Variants in TAS2R1 observed in about 807,000 individuals in gnomAD.
TAS2R1 encodes taste 2 receptor member 1.
For synonymous variants in TAS2R1, 141 were observed against 134.2 expected (o/e 1.05, Z -0.35); for missense variants, 370 against 353.4 (o/e 1.05, Z -0.38).
chr5:9,632,847 T>G (rs1739893715), upstream of TAS2R1, among the ~76,000 whole-genome samples: 1 of 152,098 alleles, frequency 6.6e-6, no homozygotes, highest in Non-Finnish European at 1.5e-5. Flanking sequence ...ATCAGGAGGT[T>G]TGGAGTCAAA....
intron 1 of TAS2R1, among the ~76,000 whole-genome samples, chr5:9,697,071 C>T (rs1185380623): frequency 2.0e-5 from 3 of 149,566 alleles, no homozygotes; most frequent in African/African-American, 4.9e-5. Context: ...GGAAGGAGGA[C>T]GAGGAGAAGG....
intron 2 of TAS2R1, among the ~76,000 whole-genome samples, chr5:9,657,010 T>A (rs1740428816): frequency 6.6e-6 from 1 of 152,100 alleles, no homozygotes; most frequent in Non-Finnish European, 1.5e-5. Flanking sequence ...ATTATTGATA[T>A]AAAAACATAT....
At chr5:9,707,627 G>A (rs1741644144) in intron 1 of TAS2R1, among the ~76,000 whole-genome samples, 1 of 152,100 alleles carries the variant, frequency 6.6e-6, no homozygotes. Context: ...AGGTTGCAGT[G>A]AGCTGACATC....
the TAS2R1 span, among the ~76,000 whole-genome samples, chr5:9,719,933 A>C: frequency 7.4e-3 from 995 of 133,650 alleles, 17 homozygotes; most frequent in African/African-American, 0.024. Flanking sequence ...AAAAAAAAAA[A>C]AAAAACAAAA....
At chr5:9,789,422 G>C in the TAS2R1 span, among the ~76,000 whole-genome samples, 3 of 152,290 alleles carry the variant, frequency 2.0e-5, no homozygotes, top group Admixed American at 1.3e-4. Context: ...CTTGAAAAAT[G>C]GGCACAAATA....
At chr5:9,657,741 G>C (rs2126493010) in intron 2 of TAS2R1, among the ~76,000 whole-genome samples, 1 of 152,158 alleles carries the variant, frequency 6.6e-6, no homozygotes, top group East Asian at 1.9e-4. Flanking sequence ...GGCTGGCGGG[G>C]AGTGGGGAAT....
At chr5:9,885,234 C>T in the TAS2R1 span, among the ~76,000 whole-genome samples, 8 of 152,254 alleles carry the variant, frequency 5.3e-5, no homozygotes, top group African/African-American at 1.4e-4. Context: ...TATAGCAATA[C>T]AATTTTTATT....
At chr5:9,655,326 C>A (rs1250203625) in intron 2 of TAS2R1, among the ~76,000 whole-genome samples, 2 of 152,030 alleles carry the variant, frequency 1.3e-5, no homozygotes, top group Non-Finnish European at 2.9e-5. Flanking sequence ...AAAGGTTTAA[C>A]ATTTAAAGGA....
the TAS2R1 span, among the ~76,000 whole-genome samples, chr5:9,780,950 T>C: frequency 1.3e-5 from 2 of 152,206 alleles, no homozygotes; most frequent in African/African-American, 4.8e-5. Flanking sequence ...CTCCTGAGTT[T>C]CTAGTCCACC....
chr5:9,823,265 C>T, the TAS2R1 span, among the ~76,000 whole-genome samples: 1 of 152,106 alleles, frequency 6.6e-6, no homozygotes, highest in African/African-American at 2.4e-5. Flanking sequence ...CGTTTCTCAA[C>T]CATTTTTCTT....
the TAS2R1 span, chr5:9,765,651 T>G: frequency 6.6e-6 from 1 of 152,184 alleles, no homozygotes; most frequent in Non-Finnish European, 1.5e-5. Context: ...CTCCCCTTGA[T>G]GGATACCAGA....
At chr5:9,634,981 T>C (rs750636067), upstream of TAS2R1, among the ~76,000 whole-genome samples, 2 of 152,150 alleles carry the variant, frequency 1.3e-5, no homozygotes, top group African/African-American at 2.4e-5. Context: ...TCCAGTACTA[T>C]GTTGAATGAA....
chr5:9,823,388 A>G, the TAS2R1 span, among the ~76,000 whole-genome samples: 1 of 152,042 alleles, frequency 6.6e-6, no homozygotes, highest in South Asian at 2.1e-4. Context: ...TTTATATATA[A>G]CTATGCTCTT....
the TAS2R1 span, among the ~76,000 whole-genome samples, chr5:9,880,911 G>T: frequency 6.6e-6 from 1 of 152,082 alleles, no homozygotes; most frequent in African/African-American, 2.4e-5. Flanking sequence ...CACTGGGTGG[G>T]GCCTCGCTGC....
At chr5:9,882,310 C>T in the TAS2R1 span, among the ~76,000 whole-genome samples, 1 of 152,056 alleles carries the variant, frequency 6.6e-6, no homozygotes, top group Non-Finnish European at 1.5e-5. Flanking sequence ...GATAGTATCT[C>T]GTGCCAGTCA....
At chr5:9,874,468 T>C in the TAS2R1 span, among the ~76,000 whole-genome samples, 1 of 152,190 alleles carries the variant, frequency 6.6e-6, no homozygotes. Context: ...TCTTCAGGGA[T>C]TCCTTAGCAT....
chr5:9,773,967 T>C, the TAS2R1 span, among the ~76,000 whole-genome samples: 436 of 152,338 alleles, frequency 2.9e-3, no homozygotes, highest in Non-Finnish European at 4.7e-3. Flanking sequence ...TCTGTACATT[T>C]GCAAAATTTT....
At chr5:9,827,307 G>A in the TAS2R1 span, among the ~76,000 whole-genome samples, 1 of 152,124 alleles carries the variant, frequency 6.6e-6, no homozygotes, top group Non-Finnish European at 1.5e-5. Flanking sequence ...CGACATCGCT[G>A]TACATCCATT....
the TAS2R1 span, among the ~76,000 whole-genome samples, chr5:9,803,332 G>A: frequency 9.8e-5 from 15 of 152,306 alleles, no homozygotes; most frequent in African/African-American, 3.4e-4. Context: ...GGGAATAAAT[G>A]AGGAAAACTT....
Sources: allele counts gnomAD v4.1 joint callset (sites outside exome capture counted in the v4.1 genomes callset), GRCh38; gene constraint gnomAD v4.1.1; transcripts MANE v1.5; gene names NCBI Gene and HGNC (gene_info 2026-07-23, HGNC 2026-07-21).